HDAC7: variants seen among roughly 807,000 people sequenced by gnomAD.
HDAC7 encodes the protein histone deacetylase 7A.
A neutral mutation model predicts 115.5 loss-of-function variants in HDAC7; 26 were observed. That is an observed-to-expected ratio of 0.23 (90% CI 0.16 to 0.31). HDAC7 has a LOEUF of 0.31. HDAC7 is among the 10% of genes least tolerant of loss of function. The pLI, the probability that HDAC7 is intolerant of heterozygous loss-of-function variation, is 1.00. For synonymous variants in HDAC7, 564 were observed against 550.9 expected (o/e 1.02, Z -0.33); for missense variants, 1,068 against 1,329.0 (o/e 0.80, Z 3.05).
At position 47,789,923 on chromosome 12, in the gene HDAC7, G is replaced by A; in HGVS notation, c.1984-3C>T. 6.2e-7 allele frequency: 1 copy of A among 1,606,768 alleles called. No homozygotes were observed. Among genetic ancestry groups the A allele is most frequent in the Non-Finnish European group, 8.5e-7 (1 of 1,174,128 alleles). The stretch of plus-strand genomic sequence containing the variant: ...TTCCAGATGGTGTCAGTGTCCACCT[G>A]CGGGAGCCAGAGTCAGGGCCCGCAT... On this transcript the variant is annotated splice_polypyrimidine_tract_variant and splice_region_variant and intron_variant, in intron 16 of 25. Coordinates refer to ENST00000080059, the MANE Select transcript of HDAC7 (RefSeq NM_015401.5).
At chr12:47,792,412 C>A in intron 13 of HDAC7, 1 of 346,622 alleles carries the variant, frequency 2.9e-6, no homozygotes, top group Non-Finnish European at 5.6e-6. Flanking sequence ...GAGAGGCTAC[C>A]AAGGGGCAGC....
chr12:47,818,794 G>A (rs1043999968), intron 1 of HDAC7, among the ~76,000 whole-genome samples: 1 of 152,244 alleles, frequency 6.6e-6, no homozygotes, highest in Non-Finnish European at 1.5e-5. Flanking sequence ...GGAGGCCTTT[G>A]GGTGCGCAAG....
rs746202753 is a variant in HDAC7, at chr12:47,798,881, T to C, written c.162A>G (p.Pro54=). The change falls in exon 3 of 26, where the codon CCA becomes CCG. Residue 54 remains proline (P), a synonymous_variant. Coordinates refer to ENST00000080059, the MANE Select transcript of HDAC7 (RefSeq NM_015401.5). The surrounding 1 kb of genome is among the most constrained non-coding windows in gnomAD (Gnocchi z 4.3). The part of the protein sequence containing the change: ...VGQRPPVEPP[P]EPTLLALQRP... ...GCTGCAGGGCCAGCAATGTGGGCTC[T>C]GGTGGGGGCTCCACTGGGGGCCGCT... 1.0e-5 allele frequency: 16 copies of C among 1,546,174 alleles called. No homozygotes were observed. The highest frequency in any genetic ancestry group is 7.1e-5 in the East Asian group (3 of 42,534).
intron 1 of HDAC7, among the ~76,000 whole-genome samples, chr12:47,807,691 G>A (rs895604248): frequency 6.6e-6 from 1 of 151,892 alleles, no homozygotes; most frequent in Non-Finnish European, 1.5e-5. Flanking sequence ...GCAATCCCCA[G>A]CCCTGCGCAG....
intron 1 of HDAC7, 57 bp downstream of exon 1, chr12:47,819,710 G>T: frequency 6.6e-6 from 3 of 454,954 alleles, no homozygotes; most frequent in Non-Finnish European, 8.8e-6. Context: ...GAGCCTGGGC[G>T]GGCGACGCTG....
chr12:47,783,771 G>T lies in HDAC7; in HGVS notation c.*70C>A, dbSNP rs1386313421. The T allele has an allele frequency of 3.4e-6, 5 of 1,473,104 alleles. No homozygotes were observed. Among genetic ancestry groups the T allele is most frequent in the Admixed American group, 1.9e-5 (1 of 53,030 alleles). 91.3% of individuals were successfully genotyped at this position (1,473,104 alleles called of 1,614,324 possible). ...GGATCTCTAAAGACCCAGGAATGGG[G>T]GCTATTGCCAGGGGTTAGAAGAGAA... On this transcript the variant is annotated 3_prime_UTR_variant, in exon 26 of 26. Coordinates refer to ENST00000080059, the MANE Select transcript of HDAC7 (RefSeq NM_015401.5).
intron 1 of HDAC7, among the ~76,000 whole-genome samples, chr12:47,814,179 C>G (rs546284182): frequency 6.6e-6 from 1 of 152,206 alleles, no homozygotes; most frequent in Non-Finnish European, 1.5e-5. Flanking sequence ...AGAGCCCAGC[C>G]AAAGGGCCAT....
In HDAC7 at chr12:47,795,484, G is replaced by T; in HGVS notation, c.1087+103C>A. ...CAGGGTGCAGCAGGGCAATGCGCAG[G>T]ACAGGGGGACAGAGATGGGGAGGAA... On this transcript the variant is annotated intron_variant, in intron 10 of 25. Transcript: ENST00000080059. The surrounding 1 kb of genome is among the most constrained non-coding windows in gnomAD (Gnocchi z 4.3). 7.1e-7 allele frequency: 1 copy of T among 1,400,768 alleles called. No individual in the cohort carries two copies. Among genetic ancestry groups the T allele is most frequent in the Non-Finnish European group, 9.8e-7 (1 of 1,017,450 alleles). 86.8% of individuals were successfully genotyped at this position (1,400,768 alleles called of 1,614,324 possible).
chr12:47,801,107 G>C (rs1944144314), intron 2 of HDAC7, among the ~76,000 whole-genome samples: 2 of 152,158 alleles, frequency 1.3e-5, no homozygotes. Context: ...TCAAAGCTCA[G>C]CTGGAGTCCT....
intron 24 of HDAC7, 147 bp from the exon 25 acceptor site, chr12:47,784,364 C>T: frequency 1.3e-6 from 1 of 798,618 alleles, no homozygotes; most frequent in Non-Finnish European, 1.9e-6. Context: ...CTCCCACCTG[C>T]CCCTCTCCTC....
chr12:47,795,535 C>T lies in HDAC7; in HGVS notation c.1087+52G>A. ...GGATGGGTCCATCCCAAGCTTGGCTCTTAGCAGGGTGCAGGGACCCAGCCC... is the reference window on the plus strand; with the variant it reads ...GGATGGGTCCATCCCAAGCTTGGCTTTTAGCAGGGTGCAGGGACCCAGCCC... On this transcript the variant is annotated intron_variant, in intron 10 of 25. Transcript: ENST00000080059. This position sits in a 1 kb window ranked among gnomAD's most constrained non-coding sequence, Gnocchi z 4.3. 2.0e-6 allele frequency: 3 copies of T among 1,532,154 alleles called. No homozygotes were observed. Among genetic ancestry groups the T allele is most frequent in the South Asian group, 1.2e-5 (1 of 83,524 alleles). The allele number at this position is 1,532,154 out of a possible 1,614,324, so 94.9% of individuals were successfully genotyped here.
upstream of HDAC7, among the ~76,000 whole-genome samples, chr12:47,821,207 T>G (rs1304419387): frequency 6.6e-6 from 1 of 152,206 alleles, no homozygotes; most frequent in Non-Finnish European, 1.5e-5. Flanking sequence ...CATGTCTGAT[T>G]GGAAGCAAGA....
At position 47,795,556 on chromosome 12, in the gene HDAC7, A is replaced by AG. The variant is rs758258677; in HGVS notation, c.1087+30dup. ...GGCTCTTAGCAGGGTGCAGGGACCC[A>AG]GCCCCTTCCCTGAAGAAGCAGCAGA... is the stretch of plus-strand genomic sequence containing the variant. On this transcript the variant is annotated intron_variant, in intron 10 of 25. Coordinates refer to ENST00000080059, the MANE Select transcript of HDAC7 (RefSeq NM_015401.5). This position sits in a 1 kb window ranked among gnomAD's most constrained non-coding sequence, Gnocchi z 4.3. 61 of 1,544,848 alleles carry AG rather than the reference A, an allele frequency of 3.9e-5. No individual in the cohort carries two copies. The highest frequency in any genetic ancestry group is 1.2e-4 in the Admixed American group (6 of 51,106).
chr12:47,804,940 G>A (rs951809676), intron 1 of HDAC7, among the ~76,000 whole-genome samples: 6 of 152,044 alleles, frequency 3.9e-5, no homozygotes, highest in African/African-American at 1.2e-4. Flanking sequence ...TCTGCAAAAG[G>A]TGGATGAAAA....
At chr12:47,785,501 C>T in intron 23 of HDAC7, 30 bp from the exon 24 acceptor site, 1 of 1,584,950 alleles carries the variant, frequency 6.3e-7, no homozygotes, top group Non-Finnish European at 8.6e-7. Context: ...AGCCACCAGT[C>T]TCTCAGGGAC....
chr12:47,806,996 G>A (rs1944435959), intron 1 of HDAC7, among the ~76,000 whole-genome samples: 2 of 150,956 alleles, frequency 1.3e-5, no homozygotes, highest in South Asian at 4.2e-4. Flanking sequence ...CTGGAGTGCA[G>A]TGGCACAATC....
intron 1 of HDAC7, among the ~76,000 whole-genome samples, chr12:47,810,765 G>C (rs1373717832): frequency 6.6e-6 from 1 of 151,812 alleles, no homozygotes. Context: ...GTCACCCTCA[G>C]AGTGGGTACT....
In HDAC7 at chr12:47,793,253, T is replaced by C; in HGVS notation, c.1678+116A>G. On this transcript the variant is annotated intron_variant, in intron 13 of 25. Coordinates refer to ENST00000080059, the MANE Select transcript of HDAC7 (RefSeq NM_015401.5). The surrounding 1 kb of genome is among the most constrained non-coding windows in gnomAD (Gnocchi z 4.5). ...GTGCTCCATGGGTACTACGTGGGCCTAACAAGGCTAAGCACTCTGTGGCCT... is the reference window on the plus strand; with the variant it reads ...GTGCTCCATGGGTACTACGTGGGCCCAACAAGGCTAAGCACTCTGTGGCCT... The C allele has an allele frequency of 3.9e-6, 3 of 777,854 alleles. No homozygotes were observed. The highest frequency in any genetic ancestry group is 4.0e-6 in the Non-Finnish European group (2 of 503,254). The allele number at this position is 777,854 out of a possible 1,614,324, so 48.2% of individuals were successfully genotyped here.
chr12:47,816,936 C>T (rs1944867163), intron 1 of HDAC7, among the ~76,000 whole-genome samples: 1 of 152,190 alleles, frequency 6.6e-6, no homozygotes, highest in African/African-American at 2.4e-5. Context: ...AGGCCACTCG[C>T]CTAGATTCCC....
Sources: allele counts gnomAD v4.1 joint callset (sites outside exome capture counted in the v4.1 genomes callset), GRCh38; gene constraint gnomAD v4.1.1; non-coding constraint Gnocchi (gnomAD v3.1); transcripts MANE v1.5; gene names NCBI Gene and HGNC (gene_info 2026-07-23, HGNC 2026-07-21).